Variants in PDE3B observed in about 807,000 individuals in gnomAD.
PDE3B encodes phosphodiesterase 3B.
In PDE3B, 66 loss-of-function variants were observed where a neutral mutation model predicts 116.8. That is an observed-to-expected ratio of 0.56 (90% CI 0.46 to 0.69). PDE3B has a LOEUF of 0.69. Among genes scored for constraint, PDE3B ranks in the 30% least tolerant of loss-of-function variants. PDE3B has a pLI of 0.00. For synonymous variants in PDE3B, 595 were observed against 533.6 expected (o/e 1.12, Z -1.59); for missense variants, 1,384 against 1,368.1 (o/e 1.01, Z -0.18).
chr11:14,773,069 A>G (rs764078882), intron 2 of PDE3B: 1 of 152,008 alleles, frequency 6.6e-6, no homozygotes, highest in South Asian at 2.1e-4. Flanking sequence ...AAAATGTTCA[A>G]CATATCACCA....
At chr11:14,806,248 C>T (rs572410543) in intron 5 of PDE3B, among the ~76,000 whole-genome samples, 4 of 148,420 alleles carry the variant, frequency 2.7e-5, no homozygotes, top group South Asian at 2.1e-4. Flanking sequence ...GTCAGGAGAT[C>T]GAGACCATGG....
At chr11:14,844,927 G>A (rs1847562403) in intron 12 of PDE3B, among the ~76,000 whole-genome samples, 1 of 152,236 alleles carries the variant, frequency 6.6e-6, no homozygotes, top group African/African-American at 2.4e-5. Context: ...CAAACAAAAA[G>A]ACAGCAGTAA....
intron 14 of PDE3B, among the ~76,000 whole-genome samples, chr11:14,865,533 C>T (rs1555007908): frequency 1.3e-5 from 2 of 152,074 alleles, no homozygotes; most frequent in Non-Finnish European, 2.9e-5. Flanking sequence ...ATGTTTTACA[C>T]CCACCAGCTA....
At chr11:14,712,238 A>C (rs1855726441) in intron 1 of PDE3B, among the ~76,000 whole-genome samples, 1 of 152,022 alleles carries the variant, frequency 6.6e-6, no homozygotes, top group Admixed American at 6.6e-5. Context: ...GACGTGTGCC[A>C]CCACACCTAG....
intron 13 of PDE3B, 70 bp downstream of exon 13, chr11:14,859,316 T>C (rs1292361907): frequency 2.8e-6 from 3 of 1,084,298 alleles, no homozygotes; most frequent in Non-Finnish European, 4.0e-6. Context: ...AATATGTTTT[T>C]TAATGTTAAG....
the PDE3B span, among the ~76,000 whole-genome samples, chr11:14,882,985 A>G: frequency 1.3e-5 from 2 of 152,212 alleles, no homozygotes; most frequent in African/African-American, 4.8e-5. Context: ...AGGGATGTGA[A>G]GGACCTCTTC....
the PDE3B span, chr11:14,890,783 C>T: frequency 1.3e-6 from 1 of 771,584 alleles, no homozygotes; most frequent in Non-Finnish European, 1.6e-6. Flanking sequence ...CTCCTGATTT[C>T]GTGATCCGCC....
rs979666966 is a variant in PDE3B at position 14,750,869 on chromosome 11, A to T, written c.979-21068A>T. 4.6e-5 allele frequency among the ~76,000 whole-genome samples: 7 copies of T among 152,326 alleles called. No homozygotes were observed. The South Asian group carries it at 1.0e-3, about 23-fold the overall frequency. ...CCCTGCATCTACATAAAATAAACCA[A>T]GATCTCATTCATTTTTTTTAGGCAG... On this transcript the variant is annotated intron_variant, in intron 1 of 15. Coordinates refer to ENST00000282096, the MANE Select transcript of PDE3B (RefSeq NM_000922.4).
At chr11:14,689,460 T>C (rs1854986311) in intron 1 of PDE3B, among the ~76,000 whole-genome samples, 1 of 152,170 alleles carries the variant, frequency 6.6e-6, no homozygotes, top group African/African-American at 2.4e-5. Context: ...ACCACAAGAC[T>C]AGCATCTCCT....
At chr11:14,701,114 C>G (rs892184251) in intron 1 of PDE3B, among the ~76,000 whole-genome samples, 1 of 151,556 alleles carries the variant, frequency 6.6e-6, no homozygotes, top group African/African-American at 2.4e-5. Flanking sequence ...TAATATTCCT[C>G]ACATATGGAG....
At chr11:14,773,422 CT>C (rs1309804296) in intron 2 of PDE3B, 5 of 151,922 alleles carry the variant, frequency 3.3e-5, no homozygotes, top group African/African-American at 1.2e-4. Flanking sequence ...TAAATTCTTA[CT>C]TTTCATAATG....
intron 12 of PDE3B, among the ~76,000 whole-genome samples, chr11:14,851,064 C>T (rs1847739907): frequency 6.6e-6 from 1 of 150,406 alleles, no homozygotes. Flanking sequence ...ACCTCGTGAT[C>T]CGTCTGCCTT....
chr11:14,820,493 G>A (rs1788320809), intron 7 of PDE3B, among the ~76,000 whole-genome samples: 1 of 152,172 alleles, frequency 6.6e-6, no homozygotes, highest in Non-Finnish European at 1.5e-5. Context: ...AACATTTTGG[G>A]TGGGGGTGTT....
chr11:14,656,622 G>T (rs762510828), intron 1 of PDE3B, among the ~76,000 whole-genome samples: 1 of 152,136 alleles, frequency 6.6e-6, no homozygotes, highest in Admixed American at 6.5e-5. Flanking sequence ...CAGTTTCTCT[G>T]TGTATAAATT....
chr11:14,687,485 C>T (rs1010924495), intron 1 of PDE3B, among the ~76,000 whole-genome samples: 2 of 152,106 alleles, frequency 1.3e-5, no homozygotes, highest in Non-Finnish European at 2.9e-5. Context: ...ACTGGGGAGA[C>T]AATAGAACTA....
the PDE3B span, chr11:14,877,983 A>T: frequency 1.2e-6 from 1 of 822,298 alleles, no homozygotes; most frequent in Non-Finnish European, 1.9e-6. Flanking sequence ...CTGCTCTAGT[A>T]CTATTTTAAG....
At chr11:14,718,132 TA>T in intron 1 of PDE3B, among the ~76,000 whole-genome samples, 1 of 138,646 alleles carries the variant, frequency 7.2e-6, no homozygotes, top group African/African-American at 2.7e-5. Flanking sequence ...TAGTCTCTGA[TA>T]AAACAGACTT....
In PDE3B at chr11:14,861,381, G is replaced by A. The variant is rs782300176; in HGVS notation, c.2886+15G>A. On this transcript the variant is annotated intron_variant, in intron 14 of 15. Transcript: ENST00000282096. ...TTTATGAGCAGGTAAGTTGAAACCT[G>A]AGCTTGGTGGGATTTTTAAGAGCTG... The A allele has an allele frequency of 6.2e-7, 1 of 1,610,122 alleles. No homozygotes were observed. The highest frequency in any genetic ancestry group is 8.5e-7 in the Non-Finnish European group (1 of 1,177,238).
At chr11:14,753,278 A>T (rs902179496) in intron 1 of PDE3B, among the ~76,000 whole-genome samples, 1 of 152,144 alleles carries the variant, frequency 6.6e-6, no homozygotes, top group Admixed American at 6.6e-5. Context: ...GTCACCGAGG[A>T]TAAAGAAGGC....
Sources: allele counts gnomAD v4.1 joint callset (sites outside exome capture counted in the v4.1 genomes callset), GRCh38; gene constraint gnomAD v4.1.1; transcripts MANE v1.5; gene names NCBI Gene and HGNC (gene_info 2026-07-23, HGNC 2026-07-21).